Variants in CHCHD6 observed in about 807,000 individuals in gnomAD.
CHCHD6 encodes MICOS complex subunit MIC25.
In CHCHD6, 28 loss-of-function variants were observed where a neutral mutation model predicts 32.3. That is an observed-to-expected ratio of 0.87 (90% CI 0.64 to 1.19). The LOEUF (loss-of-function observed/expected upper bound fraction) is 1.19. Among genes scored for constraint, CHCHD6 ranks in the 50% most tolerant of loss-of-function variants. The pLI is 0.00. For synonymous variants in CHCHD6, 122 were observed against 117.5 expected (o/e 1.04, Z -0.25); for missense variants, 333 against 307.0 (o/e 1.08, Z -0.63).
chr3:126,956,039 C>G (rs184119369), intron 6 of CHCHD6, among the ~76,000 whole-genome samples: 3 of 152,166 alleles, frequency 2.0e-5, no homozygotes, highest in African/African-American at 7.2e-5. Context: ...CCCAAGCTGT[C>G]GAGCATCCTG....
chr3:126,741,404 G>A (rs566235723), intron 4 of CHCHD6, among the ~76,000 whole-genome samples: 5 of 151,744 alleles, frequency 3.3e-5, no homozygotes, highest in African/African-American at 9.7e-5. Flanking sequence ...GCTTCTGACT[G>A]GTTCTCTGGA....
At chr3:126,956,204 G>A (rs890615552) in intron 6 of CHCHD6, among the ~76,000 whole-genome samples, 1 of 152,136 alleles carries the variant, frequency 6.6e-6, no homozygotes, top group African/African-American at 2.4e-5. Flanking sequence ...CCTTTCTATT[G>A]CTAAGAAACT....
chr3:126,928,203 C>G (rs2078352305), intron 6 of CHCHD6, among the ~76,000 whole-genome samples: 1 of 152,250 alleles, frequency 6.6e-6, no homozygotes, highest in South Asian at 2.1e-4. Flanking sequence ...GCATCTGGTT[C>G]TTATTGGACC....
chr3:126,787,960 G>A (rs1455365987), intron 4 of CHCHD6, among the ~76,000 whole-genome samples: 1 of 152,112 alleles, frequency 6.6e-6, no homozygotes, highest in Admixed American at 6.5e-5. Flanking sequence ...TTGGCTGTGG[G>A]TTTGTCATAA....
intron 4 of CHCHD6, among the ~76,000 whole-genome samples, chr3:126,750,236 C>T (rs993670930): frequency 1.3e-5 from 2 of 152,212 alleles, no homozygotes; most frequent in African/African-American, 4.8e-5. Flanking sequence ...CTTCTGGGGA[C>T]CAAGCAGGGA....
At chr3:126,945,310 G>T (rs926953966) in intron 6 of CHCHD6, among the ~76,000 whole-genome samples, 2 of 152,014 alleles carry the variant, frequency 1.3e-5, no homozygotes, top group African/African-American at 4.8e-5. Flanking sequence ...CCTGTGGGGG[G>T]CGCCATCCTC....
In CHCHD6 at chr3:126,921,557, G is replaced by A. The variant is rs1483575717; in HGVS notation, c.566+6807G>A. Among the ~76,000 whole-genome samples the A allele has an allele frequency of 2.6e-5, 4 of 152,114 alleles. No homozygotes were observed. In the East Asian group the frequency reaches 7.7e-4, roughly 29 times the overall value. On this transcript the variant is annotated intron_variant, in intron 6 of 7. Transcript: ENST00000290913. ...TCAGAATCTGTCTTGGCTTCTCCTT[G>A]TCAGGAAACTTGTACAGTCCTCCCT...
At chr3:126,908,439 C>A (rs1352540901) in intron 5 of CHCHD6, among the ~76,000 whole-genome samples, 1 of 152,212 alleles carries the variant, frequency 6.6e-6, no homozygotes, top group African/African-American at 2.4e-5. Context: ...TCTTGGTTGA[C>A]TCTATAAATA....
At chr3:126,896,834 G>A (rs1026969977) in intron 5 of CHCHD6, among the ~76,000 whole-genome samples, 2 of 152,198 alleles carry the variant, frequency 1.3e-5, no homozygotes, top group Non-Finnish European at 2.9e-5. Context: ...GAGCGCAGAG[G>A]AGACATGGGG....
chr3:126,728,149 GC>G (rs1935625131), intron 2 of CHCHD6, among the ~76,000 whole-genome samples: 1 of 152,150 alleles, frequency 6.6e-6, no homozygotes, highest in African/African-American at 2.4e-5. Flanking sequence ...GCTGTATCCT[GC>G]CCACTTAGTG....
chr3:126,932,648 G>C (rs919947276), intron 6 of CHCHD6, among the ~76,000 whole-genome samples: 1 of 152,196 alleles, frequency 6.6e-6, no homozygotes, highest in African/African-American at 2.4e-5. Flanking sequence ...GCAGGAAGGA[G>C]GGCTGTCCTT....
intron 6 of CHCHD6, among the ~76,000 whole-genome samples, chr3:126,941,680 A>T (rs956156608): frequency 6.6e-6 from 1 of 152,254 alleles, no homozygotes; most frequent in Non-Finnish European, 1.5e-5. Flanking sequence ...ACCACAAAGG[A>T]TTCCTGCATC....
intron 1 of CHCHD6, among the ~76,000 whole-genome samples, chr3:126,708,588 TGAGGCAG>T (rs1934609722): frequency 6.8e-6 from 1 of 146,628 alleles, no homozygotes; most frequent in Admixed American, 7.1e-5. Flanking sequence ...CATGGGAGGC[TGAGGCAG>T]GAGGATCACC....
chr3:126,733,493 C>T (rs1260239289), intron 4 of CHCHD6, among the ~76,000 whole-genome samples: 2 of 152,226 alleles, frequency 1.3e-5, no homozygotes, highest in African/African-American at 2.4e-5. Flanking sequence ...GACCAGACCA[C>T]TCAACAGTCT....
chr3:126,775,525 G>A (rs910425521), intron 4 of CHCHD6, among the ~76,000 whole-genome samples: 1 of 152,156 alleles, frequency 6.6e-6, no homozygotes, highest in Non-Finnish European at 1.5e-5. Context: ...TCAAAAGTCA[G>A]TAACTGGGTA....
At chr3:126,740,788 T>A (rs1490738794) in intron 4 of CHCHD6, among the ~76,000 whole-genome samples, 1 of 152,242 alleles carries the variant, frequency 6.6e-6, no homozygotes, top group Non-Finnish European at 1.5e-5. Flanking sequence ...CCTTGGTGGT[T>A]ATATGATGTG....
chr3:126,863,390 CCACCTCCTCCTCCTCCTCTACCATCAT>C (rs1942041664), intron 5 of CHCHD6, among the ~76,000 whole-genome samples: 3 of 109,890 alleles, frequency 2.7e-5, no homozygotes, highest in African/African-American at 8.2e-5. Context: ...TCTACCATCA[CCACCTCCTCCTCCTCCTCTACCATCAT>C]CACCTCCTCC....
At chr3:126,869,654 CTTTATA>C (rs1297776405) in intron 5 of CHCHD6, among the ~76,000 whole-genome samples, 2 of 152,136 alleles carry the variant, frequency 1.3e-5, no homozygotes, top group African/African-American at 4.8e-5. Context: ...TTTAGGACTT[CTTTATA>C]TAATATGAAT....
At chr3:126,917,439 G>A (rs908003451) in intron 6 of CHCHD6, among the ~76,000 whole-genome samples, 12 of 152,222 alleles carry the variant, frequency 7.9e-5, no homozygotes, top group Admixed American at 2.6e-4. Flanking sequence ...GAGCCTGCCC[G>A]GGTTTTGGAC....
Sources: allele counts gnomAD v4.1 joint callset (sites outside exome capture counted in the v4.1 genomes callset), GRCh38; gene constraint gnomAD v4.1.1; transcripts MANE v1.5; gene names NCBI Gene and HGNC (gene_info 2026-07-23, HGNC 2026-07-21).